Variants in ASH1L observed in about 807,000 individuals in gnomAD.
ASH1L encodes ASH1 like histone lysine methyltransferase, also known as histone-lysine N-methyltransferase ASH1L.
Under a neutral mutation model 269.0 loss-of-function variants are expected in ASH1L, and 23 were observed. That is an observed-to-expected ratio of 0.09 (90% CI 0.06 to 0.12). ASH1L has a LOEUF of 0.12. ASH1L is among the 10% of genes least tolerant of loss of function. The probability of loss-of-function intolerance (pLI) is 1.00; values close to 1 mark genes in which losing one functional copy is unlikely to be tolerated. For missense variants in ASH1L, 2,912 were observed against 3,567.8 expected, an observed-to-expected ratio of 0.82 and a Z score of 4.68; for synonymous variants, 1,187 against 1,253.5, an observed-to-expected ratio of 0.95 and a Z score of 1.12.
intron 6 of ASH1L, among the ~76,000 whole-genome samples, chr1:155,409,533 C>T (rs1477459518): frequency 6.6e-6 from 1 of 152,162 alleles, no homozygotes; most frequent in African/African-American, 2.4e-5. Context: ...TCAAAAATGG[C>T]ACCATCAATG....
chr1:155,469,920 C>T (rs1357672588), intron 3 of ASH1L, among the ~76,000 whole-genome samples: 1 of 152,202 alleles, frequency 6.6e-6, no homozygotes, highest in Non-Finnish European at 1.5e-5. Flanking sequence ...CTCATATAAA[C>T]GAGGACTTTA....
chr1:155,442,562 G>A (rs183400910), intron 4 of ASH1L, among the ~76,000 whole-genome samples: 7 of 114,112 alleles, frequency 6.1e-5, no homozygotes, highest in Non-Finnish European at 9.9e-5. Context: ...CAGCCTGGGC[G>A]ACAAGAGCAA....
chr1:155,343,510 G>A lies in ASH1L; in HGVS notation c.8121-24C>T. 1 of 1,613,106 alleles carries A rather than the reference G, an allele frequency of 6.2e-7. No individual in the cohort carries two copies. Among genetic ancestry groups the A allele is most frequent in the African/African-American group, 1.3e-5 (1 of 75,042 alleles). On this transcript the variant is annotated intron_variant, in intron 23 of 27. Transcript: ENST00000392403. The surrounding 1 kb of genome is among the most constrained non-coding windows in gnomAD (Gnocchi z 6.1). ...CTCTAAAACAATGGAAAAGTGAGAA[G>A]GGAGAGGTTTAGCTGATTAGCAAGA...
intron 1 of ASH1L, among the ~76,000 whole-genome samples, chr1:155,541,109 T>C (rs1670399955): frequency 6.6e-6 from 1 of 152,188 alleles, no homozygotes; most frequent in Non-Finnish European, 1.5e-5. Context: ...AGTTATTTAA[T>C]ATCCATATCT....
intron 10 of ASH1L, among the ~76,000 whole-genome samples, chr1:155,373,233 C>CA (rs1240124843): frequency 7.5e-5 from 11 of 146,802 alleles, no homozygotes; most frequent in South Asian, 4.3e-4. Context: ...AAAAAAAAAA[C>CA]AAAAAAAAAC....
intron 2 of ASH1L, among the ~76,000 whole-genome samples, chr1:155,489,499 G>A (rs1267988267): frequency 2.0e-5 from 3 of 150,658 alleles, no homozygotes; most frequent in Non-Finnish European, 4.4e-5. Context: ...GGCTGGGCAC[G>A]GTGGCTCACA....
chr1:155,562,647 C>T lies in ASH1L; in HGVS notation c.-594G>A. The stretch of plus-strand genomic sequence containing the variant: ...ACGGGCTCGTCGCTGGCTGCTCCCA[C>T]CAACCACCACCTTCGGCCGCCCCGC... On this transcript the variant is annotated 5_prime_UTR_variant, in exon 1 of 28. The change creates a new upstream start codon in the 5' untranslated region. Coordinates refer to ENST00000392403, the MANE Select transcript of ASH1L (RefSeq NM_018489.3). 11 of 1,525,766 alleles carry T rather than the reference C, an allele frequency of 7.2e-6. No homozygotes were observed. The highest frequency in any genetic ancestry group is 9.6e-6 in the Non-Finnish European group (11 of 1,140,306). 94.5% of individuals were successfully genotyped at this position (1,525,766 alleles called of 1,614,324 possible). A position where few individuals can be genotyped will look rare whatever the true frequency, so the allele number is the denominator to read the frequency against.
Position 155,481,983 on chromosome 1 carries a change from G to A in ASH1L, c.887C>T (p.Ala296Val). ...DPGKKPVFNA[A>V]VGLVNKDSVK... is the part of the protein sequence containing the mutation. The stretch of plus-strand genomic sequence containing the variant: ...AGAGTCCTTATTGACCAATCCTACT[G>A]CTGCATTAAACACTGGCTTTTTCCC... The change falls in exon 3 of 28, where the codon GCA (alanine) becomes GTA (valine). Residue 296 changes from alanine to valine, a missense_variant. Around this residue, in one of 13 missense-constraint regions of ASH1L, gnomAD observed 277 missense variants for 367.7 expected, o/e 0.75. Coordinates refer to ENST00000392403, the MANE Select transcript of ASH1L (RefSeq NM_018489.3). 6.2e-7 allele frequency: 1 copy of A among 1,614,116 alleles called. No individual in the cohort carries two copies. Among genetic ancestry groups the A allele is most frequent in the East Asian group, 2.2e-5 (1 of 44,880 alleles).
intron 3 of ASH1L, among the ~76,000 whole-genome samples, chr1:155,470,106 C>T (rs1664986468): frequency 6.6e-6 from 1 of 152,146 alleles, no homozygotes; most frequent in Non-Finnish European, 1.5e-5. Context: ...TTCCCAAGAC[C>T]TTTAAAGTCA....
At chr1:155,551,405 A>C (rs994240512) in intron 1 of ASH1L, among the ~76,000 whole-genome samples, 1 of 152,144 alleles carries the variant, frequency 6.6e-6, no homozygotes, top group African/African-American at 2.4e-5. Flanking sequence ...TCACGCCTGT[A>C]ATCCCAGCAC....
intron 3 of ASH1L, among the ~76,000 whole-genome samples, chr1:155,474,552 T>C (rs907927282): frequency 6.6e-6 from 1 of 152,042 alleles, no homozygotes; most frequent in Non-Finnish European, 1.5e-5. Context: ...ACAAAGAAAT[T>C]AGCCTGGCAT....
At chr1:155,556,092 G>T (rs933468332) in intron 1 of ASH1L, among the ~76,000 whole-genome samples, 1 of 152,136 alleles carries the variant, frequency 6.6e-6, no homozygotes, top group African/African-American at 2.4e-5. Context: ...CCACATTAAA[G>T]AAATAAAAAG....
At chr1:155,490,549 C>G (rs892140528) in intron 2 of ASH1L, among the ~76,000 whole-genome samples, 6 of 151,094 alleles carry the variant, frequency 4.0e-5, no homozygotes, top group Non-Finnish European at 7.4e-5. Flanking sequence ...ACCCAGGAGA[C>G]GGAGATTGCA....
chr1:155,521,094 A>G lies in ASH1L; in HGVS notation c.420+6T>C. 6.3e-7 allele frequency: 1 copy of G among 1,583,558 alleles called. No homozygotes were observed. Among genetic ancestry groups the G allele is most frequent in the Non-Finnish European group, 8.6e-7 (1 of 1,168,484 alleles). On this transcript the variant is annotated splice_donor_region_variant and intron_variant, in intron 2 of 27. Transcript: ENST00000392403. ...ATAACCACATATTGTTAGGAATTCT[A>G]CTTACTCGTTTTGAAGGACAGTGTT...
intron 6 of ASH1L, among the ~76,000 whole-genome samples, chr1:155,407,422 T>C (rs886389815): frequency 6.6e-6 from 1 of 152,164 alleles, no homozygotes; most frequent in African/African-American, 2.4e-5. Flanking sequence ...AGTAATTCAA[T>C]TTCTAGGAAC....
intron 6 of ASH1L, 40 bp downstream of exon 6, chr1:155,415,704 G>A: frequency 1.9e-6 from 3 of 1,572,988 alleles, no homozygotes; most frequent in Non-Finnish European, 2.6e-6. Flanking sequence ...TCCAAATGTG[G>A]AAGAAAAAGG....
intron 3 of ASH1L, among the ~76,000 whole-genome samples, chr1:155,475,769 G>C (rs1031662934): frequency 6.6e-6 from 1 of 152,134 alleles, no homozygotes; most frequent in African/African-American, 2.4e-5. Context: ...CCAGTTAAAT[G>C]TTGCACATCT....
intron 3 of ASH1L, among the ~76,000 whole-genome samples, chr1:155,462,776 C>A (rs546870067): frequency 1.1e-4 from 17 of 152,130 alleles, no homozygotes; most frequent in Non-Finnish European, 2.1e-4. Context: ...ATTCCCTGTT[C>A]ATACAGAGCA....
chr1:155,538,298 C>T (rs1670189077), intron 1 of ASH1L, among the ~76,000 whole-genome samples: 1 of 151,716 alleles, frequency 6.6e-6, no homozygotes, highest in South Asian at 2.1e-4. Context: ...CCACCTCAGC[C>T]TCCCAAAGTG....
Sources: gnomAD v4.1 joint callset for allele counts (sites outside exome capture counted in the v4.1 genomes callset) on GRCh38, gnomAD v4.1.1 for gene constraint, gnomAD v4.1.1 regional missense constraint, Gnocchi (gnomAD v3.1) non-coding constraint, MANE v1.5 for transcripts, NCBI Gene and HGNC (gene_info 2026-07-23, HGNC 2026-07-21) for gene names.